The following PTK2 variants were observed in gnomAD, a reference collection of about 807,000 sequenced individuals.
The protein encoded by PTK2 is focal adhesion kinase 1.
A neutral mutation model predicts 150.1 loss-of-function variants in PTK2; 45 were observed. The ratio of observed to expected loss-of-function variants is 0.30; its 90% confidence interval spans 0.24 to 0.38. The LOEUF (loss-of-function observed/expected upper bound fraction) is 0.38, where lower values mean the gene tolerates loss of function less well. Among genes scored for constraint, PTK2 ranks in the 10% least tolerant of loss-of-function variants. The pLI, the probability that PTK2 is intolerant of heterozygous loss-of-function variation, is 1.00. For synonymous variants in PTK2, 432 were observed against 449.2 expected (o/e 0.96, Z 0.48); for missense variants, 919 against 1,307.3 (o/e 0.70, Z 4.58).
At position 140,735,229 on chromosome 8, in the gene PTK2, CCT is replaced by C; in HGVS notation, c.2030+20_2030+21del. 6.2e-7 allele frequency: 1 copy of C among 1,608,788 alleles called. No individual in the cohort carries two copies. The highest frequency in any genetic ancestry group is 8.5e-7 in the Non-Finnish European group (1 of 1,176,288). On this transcript the variant is annotated intron_variant, in intron 22 of 31. Transcript: ENST00000522684. ...GCATAATCTGCCCCCACCCCCAGGC[CCT>C]CTCTCCCGCCAACTCCTACCTGAGC... is the stretch of plus-strand genomic sequence containing the variant.
At chr8:140,846,210 G>A (rs2100125355) in intron 7 of PTK2, 50 bp downstream of exon 7, 1 of 1,398,308 alleles carries the variant, frequency 7.2e-7, no homozygotes, top group East Asian at 2.4e-5. Flanking sequence ...AATAAACTAA[G>A]AATTTAGTTC....
At chr8:140,820,118 T>A (rs951636923) in intron 8 of PTK2, among the ~76,000 whole-genome samples, 25 of 56,882 alleles carry the variant, frequency 4.4e-4, no homozygotes, top group East Asian at 2.0e-3. Context: ...TTTTTTTTTT[T>A]AAATAGGGTC....
At chr8:140,718,108 T>G (rs1427832045) in intron 22 of PTK2, 5 of 198,016 alleles carry the variant, frequency 2.5e-5, no homozygotes, top group Non-Finnish European at 5.3e-5. Context: ...TCACACCTAA[T>G]GTGATCACGC....
chr8:140,910,796 C>T (rs2100162821), intron 2 of PTK2, among the ~76,000 whole-genome samples: 1 of 152,136 alleles, frequency 6.6e-6, no homozygotes, highest in Admixed American at 6.5e-5. Context: ...AACCATCTGC[C>T]CCATTCCCTG....
intron 8 of PTK2, among the ~76,000 whole-genome samples, chr8:140,827,231 T>C (rs1233271129): frequency 6.6e-6 from 1 of 152,108 alleles, no homozygotes; most frequent in African/African-American, 2.4e-5. Flanking sequence ...CCCACAATGA[T>C]CCCATATTGA....
intron 16 of PTK2, among the ~76,000 whole-genome samples, chr8:140,755,849 C>T (rs2100065373): frequency 1.3e-5 from 2 of 152,124 alleles, no homozygotes; most frequent in South Asian, 4.1e-4. Flanking sequence ...TGCCACGTTA[C>T]ATTTTGACCA....
chr8:140,725,835 C>T (rs1182464552), intron 22 of PTK2, among the ~76,000 whole-genome samples: 1 of 146,268 alleles, frequency 6.8e-6, no homozygotes, highest in East Asian at 2.0e-4. Context: ...TCTAACATTC[C>T]TTGATATACA....
At chr8:140,801,309 C>A (rs962421443) in intron 11 of PTK2, among the ~76,000 whole-genome samples, 2 of 152,224 alleles carry the variant, frequency 1.3e-5, no homozygotes, top group South Asian at 2.1e-4. Flanking sequence ...CCAGCACAAC[C>A]GTGTGTGCCA....
chr8:140,908,709 T>A (rs2100161928), intron 2 of PTK2, among the ~76,000 whole-genome samples: 1 of 152,040 alleles, frequency 6.6e-6, no homozygotes, highest in Non-Finnish European at 1.5e-5. Context: ...AGCCAAACCA[T>A]ATGACAGCCC....
At chr8:140,829,813 C>A (rs1460120664) in intron 8 of PTK2, among the ~76,000 whole-genome samples, 1 of 152,120 alleles carries the variant, frequency 6.6e-6, no homozygotes, top group Non-Finnish European at 1.5e-5. Context: ...GACCCTGAGG[C>A]TAGAAAATGG....
intron 2 of PTK2, among the ~76,000 whole-genome samples, chr8:140,904,750 T>C (rs1010008119): frequency 1.3e-5 from 2 of 152,196 alleles, no homozygotes; most frequent in Non-Finnish European, 2.9e-5. Context: ...TCCAGGAATG[T>C]ATCCATTTCT....
chr8:140,839,004 CA>C lies in PTK2; in HGVS notation c.593+7255del, dbSNP rs1225060641. Among the ~76,000 whole-genome samples, 11 of 91,134 alleles carry C rather than the reference CA, an allele frequency of 1.2e-4. No homozygotes were observed. The South Asian group carries it at 1.8e-3, about 15-fold the overall frequency. 59.8% of individuals were successfully genotyped at this position (91,134 alleles called of 152,430 possible). A position where few individuals can be genotyped will look rare whatever the true frequency, so the allele number is the denominator to read the frequency against. ...CTGGGCACAGAGTGAGACTCCGTCTCAAAAAAAAAAACAAAAAAAAAACTTA... is the reference window on the plus strand; with the variant it reads ...CTGGGCACAGAGTGAGACTCCGTCTCAAAAAAAAAACAAAAAAAAAACTTA... On this transcript the variant is annotated intron_variant, in intron 7 of 31. Transcript: ENST00000522684.
Position 140,696,992 on chromosome 8 carries a change from G to C in PTK2, c.2499+3899C>G, listed in dbSNP as rs146841942. ...CTACCAAAAATACAAAAATTAGCTG[G>C]GCGTGGTGGTGCGTGACTGTAGTCC... On this transcript the variant is annotated intron_variant, in intron 26 of 31. Transcript: ENST00000522684. 3.2e-4 allele frequency among the ~76,000 whole-genome samples: 49 copies of C among 152,062 alleles called. No individual in the cohort carries two copies. The East Asian group carries it at 9.1e-3, about 28-fold the overall frequency.
In PTK2 at chr8:140,694,588, A is replaced by G. The variant is rs565410781; in HGVS notation, c.2499+6303T>C. Among the ~76,000 whole-genome samples, 57 of 152,328 alleles carry G rather than the reference A, an allele frequency of 3.7e-4. 1 individual carries two copies. Among genetic ancestry groups the G allele is most frequent in the Admixed American group, 2.0e-3 (31 of 15,302 alleles). ...GAAAGACTTCTGACACACAGCTTCAACAATGACCTGATTAACCTAAAAGTA... is the reference window on the plus strand; with the variant it reads ...GAAAGACTTCTGACACACAGCTTCAGCAATGACCTGATTAACCTAAAAGTA... On this transcript the variant is annotated intron_variant, in intron 26 of 31. Transcript: ENST00000522684.
intron 26 of PTK2, 24 bp downstream of exon 29, chr8:140,700,867 G>T (rs745651607): frequency 6.2e-7 from 1 of 1,612,546 alleles, no homozygotes; most frequent in East Asian, 2.2e-5. Context: ...AAAAGTCAAA[G>T]AAGCCTTTCA....
chr8:140,678,293 C>T (rs2100015007), intron 27 of PTK2, among the ~76,000 whole-genome samples: 2 of 152,306 alleles, frequency 1.3e-5, no homozygotes, highest in South Asian at 4.1e-4. Context: ...AGTGATCCAC[C>T]CACCTGGGCC....
chr8:141,001,237 G>C (rs1218492653), upstream of PTK2: 1 of 147,836 alleles, frequency 6.8e-6, no homozygotes, highest in Non-Finnish European at 1.5e-5. Context: ...AGTGGTCCGG[G>C]ACCGGCGGCG....
At chr8:140,946,447 G>A (rs761279859) in intron 1 of PTK2, among the ~76,000 whole-genome samples, 23 of 152,200 alleles carry the variant, frequency 1.5e-4, no homozygotes, top group Admixed American at 9.8e-4. Flanking sequence ...CATGATAGGA[G>A]TTCAGTATAT....
intron 5 of PTK2, among the ~76,000 whole-genome samples, chr8:140,858,386 C>G (rs1304424730): frequency 2.0e-5 from 3 of 150,070 alleles, no homozygotes; most frequent in Admixed American, 2.0e-4. Context: ...ACATGACCCC[C>G]TAGAGGTACA....
Sources: allele counts gnomAD v4.1 joint callset (sites outside exome capture counted in the v4.1 genomes callset), GRCh38; gene constraint gnomAD v4.1.1; transcripts MANE v1.5; gene names NCBI Gene and HGNC (gene_info 2026-07-23, HGNC 2026-07-21).